KCNT2: variants seen among roughly 807,000 people sequenced by gnomAD.
The protein encoded by KCNT2 is potassium sodium-activated channel subfamily T member 2.
Under a neutral mutation model 153.8 loss-of-function variants are expected in KCNT2, and 67 were observed. The observed-to-expected ratio is 0.44, with a 90% CI of 0.36 to 0.53. The LOEUF (loss-of-function observed/expected upper bound fraction) is 0.53. KCNT2 is among the 20% of genes least tolerant of loss of function. KCNT2 has a pLI of 0.00. For synonymous variants in KCNT2, 500 were observed against 458.8 expected (o/e 1.09, Z -1.15); for missense variants, 975 against 1,354.8 (o/e 0.72, Z 4.40).
At chr1:196,511,883 G>C (rs1296493479) in intron 1 of KCNT2, among the ~76,000 whole-genome samples, 1 of 152,132 alleles carries the variant, frequency 6.6e-6, no homozygotes, top group Non-Finnish European at 1.5e-5. Context: ...GAGGTACTAG[G>C]GGTAAGTGCT....
At chr1:196,322,240 C>T (rs966539327) in intron 19 of KCNT2, among the ~76,000 whole-genome samples, 5 of 151,782 alleles carry the variant, frequency 3.3e-5, no homozygotes, top group Non-Finnish European at 5.9e-5. Context: ...CTACATAGCT[C>T]ATTACAAACA....
rs556647569 is a variant in KCNT2, at chr1:196,513,572, A to C, written c.96-21231T>G. 3.9e-5 allele frequency among the ~76,000 whole-genome samples: 6 copies of C among 152,326 alleles called. No homozygotes were observed. In the East Asian group the frequency reaches 1.2e-3, roughly 29 times the overall value. ...GAATATTCATTTGGACTTTTAAGAA[A>C]AAAATGAACAACTCTTACGTTAACT... On this transcript the variant is annotated intron_variant, in intron 1 of 27. Coordinates refer to ENST00000294725, the MANE Select transcript of KCNT2 (RefSeq NM_198503.5).
intron 25 of KCNT2, among the ~76,000 whole-genome samples, chr1:196,268,828 A>T (rs2477555): frequency 0.99 from 150,954 of 152,148 alleles, 74,896 homozygotes; most frequent in Middle Eastern, 1. Flanking sequence ...AAGAAACTCA[A>T]CAAAAACTCT....
chr1:196,357,223 G>A (rs1346224764), intron 14 of KCNT2, among the ~76,000 whole-genome samples: 1 of 151,880 alleles, frequency 6.6e-6, no homozygotes, highest in Admixed American at 6.6e-5. Flanking sequence ...TTATTATGCG[G>A]ATTGCAATAG....
chr1:196,284,187 C>T (rs1659401574), intron 23 of KCNT2, among the ~76,000 whole-genome samples: 1 of 132,196 alleles, frequency 7.6e-6, no homozygotes, highest in Non-Finnish European at 1.6e-5. Flanking sequence ...GCCGAGATCG[C>T]ACCACCGCCC....
intron 1 of KCNT2, among the ~76,000 whole-genome samples, chr1:196,563,293 A>C (rs1659658805): frequency 6.6e-6 from 1 of 151,888 alleles, no homozygotes; most frequent in Admixed American, 6.6e-5. Context: ...GTAATGAAGA[A>C]ATACCGTGAC....
chr1:196,575,969 C>A (rs1661315389), intron 1 of KCNT2, among the ~76,000 whole-genome samples: 1 of 92,286 alleles, frequency 1.1e-5, no homozygotes, highest in Non-Finnish European at 2.3e-5. Context: ...CAGAGTGAGA[C>A]CCTGTCTAAA....
intron 4 of KCNT2, among the ~76,000 whole-genome samples, chr1:196,479,740 A>G (rs948376253): frequency 1.3e-5 from 2 of 152,184 alleles, no homozygotes; most frequent in African/African-American, 4.8e-5. Context: ...ACATAAAATC[A>G]CATGTGACTG....
At chr1:196,484,128 G>A (rs1679227928) in intron 3 of KCNT2, among the ~76,000 whole-genome samples, 1 of 152,082 alleles carries the variant, frequency 6.6e-6, no homozygotes, top group African/African-American at 2.4e-5. Context: ...TATAAAATAA[G>A]TTGCTGAACA....
chr1:196,564,512 T>C (rs1188091567), intron 1 of KCNT2, among the ~76,000 whole-genome samples: 1 of 151,818 alleles, frequency 6.6e-6, no homozygotes, highest in Non-Finnish European at 1.5e-5. Context: ...AAAATTTGAA[T>C]GAAGCCACAA....
intron 13 of KCNT2, among the ~76,000 whole-genome samples, chr1:196,384,338 C>T (rs1669765922): frequency 1.3e-5 from 2 of 152,050 alleles, no homozygotes; most frequent in Non-Finnish European, 2.9e-5. Flanking sequence ...ATACTCTTCC[C>T]TTACCAATGA....
intron 1 of KCNT2, among the ~76,000 whole-genome samples, chr1:196,521,351 A>T (rs1433888298): frequency 6.6e-6 from 1 of 152,186 alleles, no homozygotes; most frequent in Non-Finnish European, 1.5e-5. Context: ...TGATGGTGGG[A>T]GTGTAAGTTA....
chr1:196,336,918 A>G (rs981235084), intron 16 of KCNT2, among the ~76,000 whole-genome samples: 5 of 152,064 alleles, frequency 3.3e-5, no homozygotes, highest in African/African-American at 1.2e-4. Flanking sequence ...GTTTCTTCTC[A>G]TCCCCCTGAT....
chr1:196,279,348 T>C (rs1658876134), intron 25 of KCNT2, among the ~76,000 whole-genome samples: 1 of 152,100 alleles, frequency 6.6e-6, no homozygotes, highest in Admixed American at 6.5e-5. Flanking sequence ...CTTTGCAGTG[T>C]GAACCACAAC....
At chr1:196,545,494 A>G (rs545782553) in intron 1 of KCNT2, among the ~76,000 whole-genome samples, 1 of 152,034 alleles carries the variant, frequency 6.6e-6, no homozygotes, top group African/African-American at 2.4e-5. Context: ...TCCAAATAGG[A>G]ACCTGCAAGC....
intron 13 of KCNT2, among the ~76,000 whole-genome samples, chr1:196,387,883 G>T (rs1216916583): frequency 6.7e-6 from 1 of 149,200 alleles, no homozygotes; most frequent in African/African-American, 2.5e-5. Context: ...CTTTGAAATT[G>T]TCTAGTGAAG....
intron 14 of KCNT2, among the ~76,000 whole-genome samples, chr1:196,349,716 T>C (rs1417343541): frequency 6.6e-6 from 1 of 151,872 alleles, no homozygotes; most frequent in African/African-American, 2.4e-5. Flanking sequence ...ATTTTTTTAT[T>C]ATTATTATAC....
chr1:196,586,988 T>G (rs768903916), intron 1 of KCNT2, among the ~76,000 whole-genome samples: 6 of 152,040 alleles, frequency 3.9e-5, no homozygotes, highest in Non-Finnish European at 5.9e-5. Context: ...ATGGACTGAG[T>G]TTATGAAACA....
intron 14 of KCNT2, chr1:196,343,061 C>A (rs559966154): frequency 6.6e-6 from 1 of 152,270 alleles, no homozygotes; most frequent in Non-Finnish European, 1.5e-5. Context: ...CTCACCAGCA[C>A]TGGATCATGT....
Sources: allele counts gnomAD v4.1 joint callset (sites outside exome capture counted in the v4.1 genomes callset), GRCh38; gene constraint gnomAD v4.1.1; transcripts MANE v1.5; gene names NCBI Gene and HGNC (gene_info 2026-07-23, HGNC 2026-07-21).